LARGE1: variants seen among roughly 807,000 people sequenced by gnomAD.
LARGE1 encodes the protein xylosyl- and glucuronyltransferase LARGE1.
LARGE1 carries 43 observed loss-of-function variants against 87.6 expected under a neutral mutation model. The ratio of observed to expected loss-of-function variants is 0.49; its 90% CI spans 0.38 to 0.63. LARGE1 has a LOEUF of 0.63. Among genes scored for constraint, LARGE1 ranks in the 30% least tolerant of loss-of-function variants. LARGE1 has a pLI of 0.00. For missense variants in LARGE1, 802 were observed against 1,000.2 expected (o/e 0.80, Z 2.67); for synonymous variants, 434 against 394.6 (o/e 1.10, Z -1.18).
the LARGE1 span, among the ~76,000 whole-genome samples, chr22:33,138,645 T>C: frequency 6.6e-6 from 1 of 152,086 alleles, no homozygotes; most frequent in East Asian, 1.9e-4. Flanking sequence ...GGTTTCACCA[T>C]GTTGGCCAGG....
At chr22:33,076,160 A>T in the LARGE1 span, among the ~76,000 whole-genome samples, 1 of 152,220 alleles carries the variant, frequency 6.6e-6, no homozygotes, top group Non-Finnish European at 1.5e-5. Flanking sequence ...ACAGGAAATA[A>T]TAAGTTATAC....
intron 5 of LARGE1, among the ~76,000 whole-genome samples, chr22:33,595,588 C>T (rs1031933872): frequency 6.6e-6 from 1 of 152,210 alleles, no homozygotes; most frequent in East Asian, 1.9e-4. Flanking sequence ...GCTCCATACA[C>T]TGTCATTTCA....
chr22:33,258,052 A>G (rs553406064), intron 11 of LARGE1, among the ~76,000 whole-genome samples: 3 of 152,206 alleles, frequency 2.0e-5, no homozygotes, highest in Non-Finnish European at 4.4e-5. Context: ...TTGAGACTAC[A>G]GAGTCCTGCT....
chr22:33,458,769 G>A (rs1343069609), intron 6 of LARGE1, among the ~76,000 whole-genome samples: 1 of 152,144 alleles, frequency 6.6e-6, no homozygotes, highest in Non-Finnish European at 1.5e-5. Flanking sequence ...AGAGGGAAGA[G>A]TTGGCTCAAG....
intron 12 of LARGE1, among the ~76,000 whole-genome samples, chr22:33,293,182 G>A (rs907015967): frequency 6.6e-6 from 1 of 152,202 alleles, no homozygotes; most frequent in Non-Finnish European, 1.5e-5. Context: ...CTCTGATAAC[G>A]AGAAAGCATA....
At chr22:33,077,181 G>A in the LARGE1 span, among the ~76,000 whole-genome samples, 1 of 152,024 alleles carries the variant, frequency 6.6e-6, no homozygotes, top group South Asian at 2.1e-4. Flanking sequence ...GGAGATTTAG[G>A]AATAGTACAT....
chr22:33,921,125 G>A (rs2065938788), upstream of LARGE1, among the ~76,000 whole-genome samples: 2 of 151,502 alleles, frequency 1.3e-5, 1 homozygote, highest in Admixed American at 1.3e-4. This position sits in a 1 kb window ranked among gnomAD's most constrained non-coding sequence, Gnocchi z 4.1. Flanking sequence ...TGACCGAGCG[G>A]CCGGCCAATG....
the LARGE1 span, among the ~76,000 whole-genome samples, chr22:33,072,470 A>G: frequency 6.6e-6 from 1 of 152,124 alleles, no homozygotes; most frequent in Admixed American, 6.5e-5. Flanking sequence ...TCAGGAGACA[A>G]TAGATAGTTG....
At chr22:33,620,160 A>G (rs776238473) in intron 4 of LARGE1, among the ~76,000 whole-genome samples, 6 of 152,336 alleles carry the variant, frequency 3.9e-5, no homozygotes, top group Non-Finnish European at 5.9e-5. Context: ...CAGGGGCACA[A>G]GTGAAGTTTA....
At chr22:33,344,895 T>TG (rs1044372937) in intron 9 of LARGE1, among the ~76,000 whole-genome samples, 3 of 152,112 alleles carry the variant, frequency 2.0e-5, no homozygotes, top group African/African-American at 7.2e-5. Context: ...ATTGCTGGCT[T>TG]GGGGGCAGGA....
chr22:33,723,576 G>A (rs2083174277), intron 2 of LARGE1, among the ~76,000 whole-genome samples: 1 of 152,214 alleles, frequency 6.6e-6, no homozygotes, highest in South Asian at 2.1e-4. Context: ...AGGCTCATAT[G>A]AAGTTAATCA....
chr22:33,173,190 G>A (rs565715292), intron 11 of LARGE1, among the ~76,000 whole-genome samples: 2 of 152,316 alleles, frequency 1.3e-5, no homozygotes, highest in Admixed American at 1.3e-4. Context: ...CCAGAAGAGA[G>A]TGAGGGCCAA....
At chr22:33,105,780 C>T in the LARGE1 span, 22 of 152,214 alleles carry the variant, frequency 1.4e-4, no homozygotes, top group Admixed American at 9.2e-4. Flanking sequence ...GGAGCAGGCT[C>T]CTCTTCCTGG....
chr22:33,731,607 C>T (rs1203801800), intron 2 of LARGE1, among the ~76,000 whole-genome samples: 1 of 152,080 alleles, frequency 6.6e-6, no homozygotes, highest in Non-Finnish European at 1.5e-5. Context: ...ATTACAGTTA[C>T]ACAAGATGAG....
chr22:33,675,021 G>A (rs748504359), intron 2 of LARGE1, among the ~76,000 whole-genome samples: 3 of 151,668 alleles, frequency 2.0e-5, no homozygotes, highest in South Asian at 2.1e-4. Context: ...GGCCAGGCGC[G>A]GTGACTCATG....
At chr22:33,080,424 G>C in the LARGE1 span, among the ~76,000 whole-genome samples, 1 of 152,186 alleles carries the variant, frequency 6.6e-6, no homozygotes, top group Non-Finnish European at 1.5e-5. Flanking sequence ...ACCCCAGGAT[G>C]CAGGCTAAGA....
rs1480025271 is a variant in LARGE1 at position 33,855,108 on chromosome 22, G to A, written c.-83+64887C>T. Among the ~76,000 whole-genome samples the A allele has an allele frequency of 2.0e-5, 3 of 152,274 alleles. No individual in the cohort carries two copies. In the East Asian group the frequency reaches 5.8e-4, roughly 29 times the overall value. On this transcript the variant is annotated intron_variant, in intron 1 of 14. Transcript: ENST00000397394. ...TCAGCACTTTGGGAGGCCGAGAAGGGCGGATTATGAGGTCAGGAGACCGAG... is the reference window on the plus strand; with the variant it reads ...TCAGCACTTTGGGAGGCCGAGAAGGACGGATTATGAGGTCAGGAGACCGAG...
rs565007248 is a variant in LARGE1, at chr22:33,260,795, G to A, written c.1730+43434C>T. On this transcript the variant is annotated intron_variant, in intron 11 of 11. Coordinates refer to the LARGE1 transcript ENST00000608642. ...TTGTTAACCTCCATCCAACCAGAGC[G>A]TTTTATTTTCCCCTTCATAAGCCCC... Among the ~76,000 whole-genome samples the A allele has an allele frequency of 1.0e-3, 153 of 152,274 alleles. No individual in the cohort carries two copies. In the Middle Eastern group the frequency reaches 0.014, roughly 14 times the overall value.
At position 33,277,131 on chromosome 22, in the gene LARGE1, G is replaced by T; in HGVS notation, c.2002C>A (p.Pro668Thr). Residue 668 changes from proline (P) to threonine (T), a missense_variant, in exon 14 of 15, where the codon CCG (proline) becomes ACG (threonine). Physicochemically the swap from Pro to Thr is conservative, Grantham distance 38. Coordinates refer to ENST00000397394, the MANE Select transcript of LARGE1 (RefSeq NM_133642.5). Reference sequence around the variant, plus strand: ...CCTACAAACCTCCGGTCGTACTCCGGGCAGTCACGTCTCACAACAACATAC... The same window carrying T: ...CCTACAAACCTCCGGTCGTACTCCGTGCAGTCACGTCTCACAACAACATAC... ...EPYVVVRRDC[P>T]EYDRRFVGFG... is the part of the protein sequence containing the mutation. The T allele has an allele frequency of 6.2e-7, 1 of 1,614,226 alleles. No homozygotes were observed. Among genetic ancestry groups the T allele is most frequent in the Non-Finnish European group, 8.5e-7 (1 of 1,180,048 alleles).
Sources: allele counts gnomAD v4.1 joint callset (sites outside exome capture counted in the v4.1 genomes callset), GRCh38; gene constraint gnomAD v4.1.1; non-coding constraint Gnocchi (gnomAD v3.1); transcripts MANE v1.5; gene names NCBI Gene and HGNC (gene_info 2026-07-23, HGNC 2026-07-21).